The following CBLB variants were observed in gnomAD, a reference collection of about 807,000 sequenced individuals.
CBLB encodes E3 ubiquitin-protein ligase CBL-B.
A neutral mutation model predicts 104.9 loss-of-function variants in CBLB; 31 were observed. The ratio of observed to expected loss-of-function variants is 0.30; its 90% CI spans 0.22 to 0.40. The LOEUF (loss-of-function observed/expected upper bound fraction) is 0.40. Among genes scored for constraint, CBLB ranks in the 10% least tolerant of loss-of-function variants. CBLB has a pLI of 1.00. For synonymous variants in CBLB, 440 were observed against 422.6 expected, an observed-to-expected ratio of 1.04 and a Z score of -0.51; for missense variants, 1,062 against 1,214.6, an observed-to-expected ratio of 0.87 and a Z score of 1.87.
intron 14 of CBLB, among the ~76,000 whole-genome samples, chr3:105,683,685 T>G (rs1023391900): frequency 4.6e-5 from 7 of 152,226 alleles, no homozygotes; most frequent in Admixed American, 3.9e-4. Flanking sequence ...TGAGAAGGAA[T>G]ATCTTTTGTT....
Position 105,732,339 on chromosome 3 carries a change from T to A in CBLB, c.1203+1670A>T, listed in dbSNP as rs1433323019. ...GTTTGCAGAACTATTACTGTTAATG[T>A]AATTTAAATAGGAATCAAGTATCTA... On this transcript the variant is annotated intron_variant, in intron 9 of 18. Coordinates refer to ENST00000394030, the MANE Select transcript of CBLB (RefSeq NM_170662.5). Among the ~76,000 whole-genome samples the A allele has an allele frequency of 1.3e-5, 2 of 152,220 alleles. 1 individual carries two copies. Among genetic ancestry groups the A allele is most frequent in the East Asian group, 3.9e-4 (2 of 5,194 alleles).
chr3:105,844,290 C>T (rs983934035), intron 3 of CBLB, among the ~76,000 whole-genome samples: 5 of 152,176 alleles, frequency 3.3e-5, no homozygotes, highest in African/African-American at 9.7e-5. Context: ...AAATTTCTCT[C>T]GTTTAAGCCA....
At chr3:105,868,412 T>C in intron 1 of CBLB, 1 of 399,872 alleles carries the variant, frequency 2.5e-6, no homozygotes, top group Non-Finnish European at 4.3e-6. Flanking sequence ...GAAGGTGGAC[T>C]GGGAGGGGAC....
At chr3:105,668,327 T>A (rs1344462914) in intron 18 of CBLB, among the ~76,000 whole-genome samples, 1 of 152,316 alleles carries the variant, frequency 6.6e-6, no homozygotes, top group Non-Finnish European at 1.5e-5. Flanking sequence ...TGAATGATGT[T>A]CCTCTGGGCT....
At chr3:105,829,690 A>C (rs2087159244) in intron 3 of CBLB, among the ~76,000 whole-genome samples, 1 of 106,688 alleles carries the variant, frequency 9.4e-6, no homozygotes, top group African/African-American at 3.5e-5. Flanking sequence ...AAAAAAAAAA[A>C]AAAAAAAAAA....
At chr3:105,759,048 G>A (rs931782945) in intron 4 of CBLB, among the ~76,000 whole-genome samples, 2 of 152,172 alleles carry the variant, frequency 1.3e-5, no homozygotes, top group African/African-American at 4.8e-5. Context: ...CCGTGTCCAG[G>A]AAGAATGAGG....
At chr3:105,750,898 T>C (rs2076538268) in intron 5 of CBLB, among the ~76,000 whole-genome samples, 1 of 152,190 alleles carries the variant, frequency 6.6e-6, no homozygotes, top group African/African-American at 2.4e-5. Flanking sequence ...TGAATGAATA[T>C]GACAAGGGAA....
At chr3:105,748,376 T>C (rs908108085) in intron 5 of CBLB, among the ~76,000 whole-genome samples, 3 of 152,170 alleles carry the variant, frequency 2.0e-5, no homozygotes, top group African/African-American at 4.8e-5. Context: ...CTTCTTTGAT[T>C]TTCCTCACTA....
At chr3:105,846,910 C>G (rs572379413) in intron 3 of CBLB, among the ~76,000 whole-genome samples, 1 of 152,148 alleles carries the variant, frequency 6.6e-6, no homozygotes, top group African/African-American at 2.4e-5. Flanking sequence ...ACTTGCAAAA[C>G]TATTTCAATG....
At chr3:105,764,469 C>G (rs1358305703) in intron 4 of CBLB, among the ~76,000 whole-genome samples, 1 of 152,096 alleles carries the variant, frequency 6.6e-6, no homozygotes, top group Non-Finnish European at 1.5e-5. Flanking sequence ...AGTTTTTGGG[C>G]ACTATGAACC....
At chr3:105,751,087 G>C (rs1490197827) in intron 5 of CBLB, among the ~76,000 whole-genome samples, 3 of 152,194 alleles carry the variant, frequency 2.0e-5, no homozygotes, top group African/African-American at 7.2e-5. Flanking sequence ...AAAGATTTTA[G>C]ATCTAGGTGG....
chr3:105,681,676 C>T, intron 15 of CBLB, 48 bp downstream of exon 15: 1 of 1,606,388 alleles, frequency 6.2e-7, no homozygotes, highest in South Asian at 1.1e-5. Flanking sequence ...CCTTTAAATT[C>T]TGACCATTAA....
rs576446622 is a variant in CBLB at position 105,839,257 on chromosome 3, A to G, written c.419+14157T>C. On this transcript the variant is annotated intron_variant, in intron 3 of 18. Transcript: ENST00000394030. ...CCATGGAAAATGCAGGAAAGCCACTAGATTAAATGCTTGTCAGACATTAGT... is the reference window on the plus strand; with the variant it reads ...CCATGGAAAATGCAGGAAAGCCACTGGATTAAATGCTTGTCAGACATTAGT... Among the ~76,000 whole-genome samples the G allele has an allele frequency of 2.6e-5, 4 of 152,366 alleles. No homozygotes were observed. In the East Asian group the frequency reaches 7.7e-4, roughly 29 times the overall value.
chr3:105,840,027 T>C (rs2089297659), intron 3 of CBLB, among the ~76,000 whole-genome samples: 1 of 152,180 alleles, frequency 6.6e-6, no homozygotes, highest in African/African-American at 2.4e-5. Flanking sequence ...AATGAAAATT[T>C]TCTGAAATCT....
At chr3:105,780,677 T>TTTTG (rs1222434692) in intron 3 of CBLB, among the ~76,000 whole-genome samples, 1 of 141,792 alleles carries the variant, frequency 7.1e-6, no homozygotes, top group Non-Finnish European at 1.5e-5. Flanking sequence ...TTTTTTTTTT[T>TTTTG]TTTGAGATGG....
At chr3:105,780,183 A>T (rs1354963693) in intron 3 of CBLB, among the ~76,000 whole-genome samples, 1 of 152,046 alleles carries the variant, frequency 6.6e-6, no homozygotes, top group East Asian at 1.9e-4. Context: ...AAAAACTTTC[A>T]ATTTTGAAAA....
intron 4 of CBLB, among the ~76,000 whole-genome samples, chr3:105,766,850 A>G (rs568791406): frequency 1.1e-4 from 16 of 152,322 alleles, no homozygotes; most frequent in African/African-American, 3.6e-4. Flanking sequence ...ATGTACTAGT[A>G]AATTAATTTA....
In CBLB at chr3:105,704,914, G is replaced by A. The variant is rs138843196; in HGVS notation, c.1408-741C>T. ...AACACTTCCTATTGCATAATGTTGTGTGTTTGTGTGTGTGTGTCTATGTGT... is the reference window on the plus strand; with the variant it reads ...AACACTTCCTATTGCATAATGTTGTATGTTTGTGTGTGTGTGTCTATGTGT... On this transcript the variant is annotated intron_variant, in intron 10 of 18. Transcript: ENST00000394030. Among the ~76,000 whole-genome samples the A allele has an allele frequency of 4.6e-3, 701 of 152,204 alleles. 17 individuals carry two copies. The highest frequency in any genetic ancestry group is 0.035 in the Admixed American group (534 of 15,284).
intron 3 of CBLB, among the ~76,000 whole-genome samples, chr3:105,793,968 A>G (rs1420458883): frequency 6.6e-6 from 1 of 152,242 alleles, no homozygotes; most frequent in Non-Finnish European, 1.5e-5. Context: ...TTATTTTCCA[A>G]CTCTGAAAAT....
Sources: gnomAD v4.1 joint callset for allele counts (sites outside exome capture counted in the v4.1 genomes callset) on GRCh38, gnomAD v4.1.1 for gene constraint, MANE v1.5 for transcripts, NCBI Gene and HGNC (gene_info 2026-07-23, HGNC 2026-07-21) for gene names.